Variants in SLC12A2 observed in about 807,000 individuals in gnomAD.
SLC12A2 encodes Na-K-2Cl cotransporter 1.
Under a neutral mutation model 136.3 loss-of-function variants are expected in SLC12A2, and 67 were observed. That is an observed-to-expected ratio of 0.49 (90% CI 0.40 to 0.60). SLC12A2 has a LOEUF of 0.60. Ranked by LOEUF, SLC12A2 falls within the 20% of genes least tolerant of loss-of-function variation. SLC12A2 has a pLI of 0.00. For missense variants in SLC12A2, 1,322 were observed against 1,534.7 expected, an observed-to-expected ratio of 0.86 and a Z score of 2.32; for synonymous variants, 619 against 562.9, an observed-to-expected ratio of 1.10 and a Z score of -1.41.
chr5:128,146,580 A>G lies in SLC12A2; in HGVS notation c.1774-1042A>G, dbSNP rs533539132. Among the ~76,000 whole-genome samples the G allele has an allele frequency of 4.0e-5, 6 of 151,206 alleles. 1 individual carries two copies. The South Asian group carries it at 1.2e-3, about 31-fold the overall frequency. ...GTCTTCTAAGAGGAAATGTTTGAAC[A>G]TGTACACAGAGAAAGCAATATAATA... is the stretch of plus-strand genomic sequence containing the variant. On this transcript the variant is annotated intron_variant, in intron 10 of 26. Transcript: ENST00000262461.
Position 128,180,994 on chromosome 5 carries a change from C to CTCTCCG in SLC12A2, c.3212_3212+1insTCTCCG (p.Ala1071_Met1072insLeuArg). 1 of 1,550,248 alleles carries CTCTCCG rather than the reference C, an allele frequency of 6.5e-7. No individual in the cohort carries two copies. Among genetic ancestry groups the CTCTCCG allele is most frequent in the Non-Finnish European group, 8.9e-7 (1 of 1,122,888 alleles). On this transcript the variant is annotated inframe_insertion and splice_region_variant. Coordinates refer to ENST00000262461, the MANE Select transcript of SLC12A2 (RefSeq NM_001046.3). ...AACAGAATAGACCATGACCGGAGAG[C>CTCTCCG]GTAAGTTTATTTCACATTGAAGGGC...
At chr5:128,173,892 T>C (rs1469474649) in intron 19 of SLC12A2, among the ~76,000 whole-genome samples, 1 of 152,168 alleles carries the variant, frequency 6.6e-6, no homozygotes, top group African/African-American at 2.4e-5. Flanking sequence ...GAAGAAAAAC[T>C]ACTTTAAAAT....
chr5:128,110,167 C>T (rs907439330), intron 1 of SLC12A2: 27 of 830,230 alleles, frequency 3.3e-5, no homozygotes, highest in Non-Finnish European at 5.2e-5. Context: ...GTGAAGATGC[C>T]AGATGTAGAG....
At chr5:128,159,178 T>C (rs567271748) in intron 16 of SLC12A2, among the ~76,000 whole-genome samples, 28 of 152,190 alleles carry the variant, frequency 1.8e-4, no homozygotes, top group African/African-American at 6.5e-4. Context: ...TTGATACCTA[T>C]GGAGTAGAAA....
At chr5:128,109,454 T>TCATA (rs1761064755) in intron 1 of SLC12A2, 5 of 449,938 alleles carry the variant, frequency 1.1e-5, no homozygotes, top group Non-Finnish European at 2.1e-5. Context: ...TCTTCATTTA[T>TCATA]CCATGGATCA....
chr5:128,126,322 G>T (rs1761793833), intron 4 of SLC12A2, among the ~76,000 whole-genome samples: 1 of 152,132 alleles, frequency 6.6e-6, no homozygotes, highest in Non-Finnish European at 1.5e-5. Flanking sequence ...ATATGAAAAG[G>T]CACTCAACAT....
chr5:128,186,151 A>G (rs2126763112), intron 26 of SLC12A2, among the ~76,000 whole-genome samples: 1 of 152,340 alleles, frequency 6.6e-6, no homozygotes, highest in South Asian at 2.1e-4. Context: ...TATTCACTAC[A>G]GTAACGTACT....
intron 4 of SLC12A2, among the ~76,000 whole-genome samples, chr5:128,125,555 G>A (rs1203279110): frequency 2.0e-5 from 3 of 151,826 alleles, no homozygotes; most frequent in African/African-American, 4.8e-5. Flanking sequence ...TATGTTATTC[G>A]GTTTGACATA....
chr5:128,132,410 A>T (rs1324321667), intron 5 of SLC12A2, among the ~76,000 whole-genome samples: 1 of 152,234 alleles, frequency 6.6e-6, no homozygotes, highest in Non-Finnish European at 1.5e-5. Flanking sequence ...TTTCAAGTTT[A>T]TACACAAATT....
intron 18 of SLC12A2, 141 bp downstream of exon 18, chr5:128,168,008 G>A: frequency 5.6e-6 from 3 of 538,924 alleles, no homozygotes; most frequent in Non-Finnish European, 6.4e-6. Context: ...CAAAGCATCT[G>A]GGTTTTAAAT....
chr5:128,086,508 A>G (rs1262811856), intron 1 of SLC12A2, among the ~76,000 whole-genome samples: 2 of 152,140 alleles, frequency 1.3e-5, no homozygotes, highest in Admixed American at 1.3e-4. Flanking sequence ...TCCCTCTTAT[A>G]TTGGCCCTTC....
intron 7 of SLC12A2, among the ~76,000 whole-genome samples, chr5:128,137,722 G>A (rs1233204827): frequency 6.6e-6 from 1 of 152,132 alleles, no homozygotes; most frequent in African/African-American, 2.4e-5. Context: ...TTATCTTAGA[G>A]TCAGAGATGA....
At chr5:128,130,665 G>C (rs1761985448) in intron 4 of SLC12A2, among the ~76,000 whole-genome samples, 1 of 151,924 alleles carries the variant, frequency 6.6e-6, no homozygotes, top group South Asian at 2.1e-4. Context: ...GTGGGCGACA[G>C]TGAAACTGTT....
At chr5:128,151,747 T>C (rs1454975943) in intron 14 of SLC12A2, among the ~76,000 whole-genome samples, 2 of 152,152 alleles carry the variant, frequency 1.3e-5, no homozygotes, top group African/African-American at 4.8e-5. Flanking sequence ...TACAGTACTG[T>C]AGTAGCTGTA....
At chr5:128,173,135 A>T (rs920884172) in intron 19 of SLC12A2, among the ~76,000 whole-genome samples, 4 of 152,218 alleles carry the variant, frequency 2.6e-5, no homozygotes, top group Admixed American at 2.6e-4. Context: ...CGTAAGAGGT[A>T]TCTGCTTCTG....
intron 1 of SLC12A2, among the ~76,000 whole-genome samples, chr5:128,105,566 C>T (rs905736684): frequency 2.6e-5 from 4 of 151,952 alleles, no homozygotes; most frequent in Admixed American, 6.6e-5. Flanking sequence ...GGTTGGCTTG[C>T]GTTTAAGAAT....
chr5:128,166,588 T>C (rs1285862299), intron 17 of SLC12A2, among the ~76,000 whole-genome samples: 6 of 152,106 alleles, frequency 3.9e-5, no homozygotes, highest in African/African-American at 1.4e-4. Flanking sequence ...TACTGTTGTT[T>C]CACTCATGCA....
At chr5:128,095,363 G>C (rs1760491364) in intron 1 of SLC12A2, among the ~76,000 whole-genome samples, 1 of 152,050 alleles carries the variant, frequency 6.6e-6, no homozygotes, top group Non-Finnish European at 1.5e-5. Context: ...ATTTTGCAAG[G>C]CTGTAGTTTG....
At chr5:128,185,930 G>A (rs567829645) in intron 26 of SLC12A2, among the ~76,000 whole-genome samples, 1 of 152,132 alleles carries the variant, frequency 6.6e-6, no homozygotes, top group Admixed American at 6.5e-5. Context: ...CATATGTTAA[G>A]CTGGGCATGG....
Sources: gnomAD v4.1 joint callset for allele counts (sites outside exome capture counted in the v4.1 genomes callset) on GRCh38, gnomAD v4.1.1 for gene constraint, MANE v1.5 for transcripts, NCBI Gene and HGNC (gene_info 2026-07-23, HGNC 2026-07-21) for gene names.